Variants in MYOM1 observed in about 807,000 individuals in gnomAD.
MYOM1 encodes the protein myomesin-1.
In MYOM1, 164 loss-of-function variants were observed where a neutral mutation model predicts 205.3. The ratio of observed to expected loss-of-function variants is 0.80; its 90% confidence interval spans 0.70 to 0.91. The LOEUF (loss-of-function observed/expected upper bound fraction) is 0.91, where lower values mean the gene tolerates loss of function less well. Among genes scored for constraint, MYOM1 ranks in the 40% least tolerant of loss-of-function variants. The probability of loss-of-function intolerance (pLI) is 0.00; values close to 1 mark genes in which losing one functional copy is unlikely to be tolerated. For synonymous variants in MYOM1, 772 were observed against 789.4 expected (o/e 0.98, Z 0.37); for missense variants, 2,011 against 2,127.3 (o/e 0.95, Z 1.08).
intron 5 of MYOM1, 73 bp from the exon 6 acceptor site, chr18:3,176,207 C>T: frequency 1.2e-6 from 1 of 857,382 alleles, no homozygotes; most frequent in Non-Finnish European, 1.9e-6. Context: ...ACACACAATT[C>T]TTGTTCTTGC....
At position 3,098,337 on chromosome 18, in the gene MYOM1, G is replaced by C. The variant is rs527655144; in HGVS notation, c.3727+1822C>G. ...CTGTCACCCAGGCTGGAGTGCAGTGGCACGATCTCGGCTCACTGCAACCTT... is the reference window on the plus strand; with the variant it reads ...CTGTCACCCAGGCTGGAGTGCAGTGCCACGATCTCGGCTCACTGCAACCTT... On this transcript the variant is annotated intron_variant, in intron 25 of 37. Coordinates refer to ENST00000356443, the MANE Select transcript of MYOM1 (RefSeq NM_003803.4). 2.8e-4 allele frequency among the ~76,000 whole-genome samples: 43 copies of C among 152,122 alleles called. 1 individual carries two copies. In the Middle Eastern group the frequency reaches 0.014, roughly 48 times the overall value.
At chr18:3,125,937 G>T (rs999471071) in intron 19 of MYOM1, among the ~76,000 whole-genome samples, 3 of 152,090 alleles carry the variant, frequency 2.0e-5, no homozygotes, top group Admixed American at 2.0e-4. Context: ...TAGCCATCAA[G>T]CCCATGTCCC....
intron 10 of MYOM1, among the ~76,000 whole-genome samples, chr18:3,157,459 C>T (rs1288600705): frequency 6.6e-6 from 1 of 151,832 alleles, no homozygotes; most frequent in Non-Finnish European, 1.5e-5. Flanking sequence ...GGGTAGATCA[C>T]TTGAGCCTAG....
intron 33 of MYOM1, among the ~76,000 whole-genome samples, chr18:3,080,249 T>C (rs2079069077): frequency 6.6e-6 from 1 of 152,176 alleles, no homozygotes; most frequent in Admixed American, 6.5e-5. Context: ...GTTCATATTA[T>C]GGCTGGTAAA....
the MYOM1 span, among the ~76,000 whole-genome samples, chr18:3,245,556 A>C: frequency 3.3e-5 from 5 of 151,924 alleles, no homozygotes; most frequent in Non-Finnish European, 5.9e-5. Flanking sequence ...CATTTGAAGA[A>C]CATTTTATCG....
Position 3,135,974 on chromosome 18 carries a change from C to T in MYOM1, c.2026-244G>A, listed in dbSNP as rs1391678530. Among the ~76,000 whole-genome samples the T allele has an allele frequency of 3.9e-5, 6 of 152,140 alleles. No individual in the cohort carries two copies. Among genetic ancestry groups the T allele is most frequent in the Admixed American group, 3.9e-4 (6 of 15,268 alleles). On this transcript the variant is annotated intron_variant, in intron 14 of 37. Coordinates refer to ENST00000356443, the MANE Select transcript of MYOM1 (RefSeq NM_003803.4). The surrounding 1 kb of genome is among the most constrained non-coding windows in gnomAD (Gnocchi z 4.1). Reference sequence around the variant, plus strand: ...CCAAATCTCATCTACAATTGTAGCTCCCATAATTCCCATGTGTGTGGGAGG... The same window carrying T: ...CCAAATCTCATCTACAATTGTAGCTTCCATAATTCCCATGTGTGTGGGAGG...
At chr18:3,232,008 C>CT in the MYOM1 span, among the ~76,000 whole-genome samples, 1 of 151,720 alleles carries the variant, frequency 6.6e-6, no homozygotes, top group East Asian at 1.9e-4. Context: ...TATTTCCTTG[C>CT]TTTTTTTAAT....
rs746146821 is a variant in MYOM1, at chr18:3,164,402, A to G, written c.1377T>C (p.Leu459=). The change falls in exon 10 of 38, where the codon CTT becomes CTC. Residue 459 remains leucine (L), a synonymous_variant. Coordinates refer to ENST00000356443, the MANE Select transcript of MYOM1 (RefSeq NM_003803.4). ...PLSPSKWVQT[L]WSGERATLTF... is the part of the protein sequence containing the mutation. ...TCAGCGTTGCCCGCTCTCCACTCCA[A>G]AGTGTTTGCACCCATTTTGATGGAG... 1 of 1,609,920 alleles carries G rather than the reference A, an allele frequency of 6.2e-7. No homozygotes were observed.
intron 8 of MYOM1, among the ~76,000 whole-genome samples, chr18:3,172,450 C>G (rs769055219): frequency 2.0e-5 from 3 of 151,710 alleles, no homozygotes; most frequent in African/African-American, 7.3e-5. Flanking sequence ...AGGATTGTGA[C>G]GTGATCAATA....
chr18:3,183,023 G>A (rs948406229), intron 5 of MYOM1, among the ~76,000 whole-genome samples: 4 of 142,038 alleles, frequency 2.8e-5, no homozygotes, highest in Admixed American at 7.7e-5. Flanking sequence ...TCCGCCTTCC[G>A]CGTTCCATCG....
intron 2 of MYOM1, among the ~76,000 whole-genome samples, chr18:3,208,004 C>T (rs1238850765): frequency 6.6e-6 from 1 of 152,166 alleles, no homozygotes; most frequent in Non-Finnish European, 1.5e-5. Context: ...AAAGGAGGGG[C>T]TTAAATTATA....
intron 36 of MYOM1, 140 bp from the exon 37 acceptor site, chr18:3,072,029 A>G: frequency 1.3e-6 from 1 of 757,432 alleles, no homozygotes; most frequent in Non-Finnish European, 2.2e-6. Flanking sequence ...ACATGCAAAA[A>G]AAGAAAATGA....
At chr18:3,159,864 TTTTC>T (rs1310115318) in intron 10 of MYOM1, among the ~76,000 whole-genome samples, 1 of 150,096 alleles carries the variant, frequency 6.7e-6, no homozygotes, top group African/African-American at 2.5e-5. Flanking sequence ...GTGATGTAAA[TTTTC>T]TTTCTTTTCC....
intron 5 of MYOM1, among the ~76,000 whole-genome samples, chr18:3,183,573 G>T (rs1011773278): frequency 6.6e-5 from 10 of 152,156 alleles, no homozygotes; most frequent in Non-Finnish European, 1.2e-4. Context: ...ACGTGCCTTT[G>T]AAAGATGTGG....
At chr18:3,108,354 T>C (rs1163341209) in intron 22 of MYOM1, among the ~76,000 whole-genome samples, 14 of 152,168 alleles carry the variant, frequency 9.2e-5, no homozygotes, top group Admixed American at 9.2e-4. Flanking sequence ...ATACTCAGAA[T>C]TTGAAGCTGG....
chr18:3,174,728 A>G (rs763937049), intron 6 of MYOM1, among the ~76,000 whole-genome samples: 15 of 152,148 alleles, frequency 9.9e-5, no homozygotes, highest in Non-Finnish European at 2.1e-4. Context: ...CTCCGTGTAG[A>G]TTCCCACAAC....
chr18:3,191,519 T>C lies in MYOM1; in HGVS notation c.431+2299A>G, dbSNP rs868144435. On this transcript the variant is annotated intron_variant, in intron 3 of 37. Transcript: ENST00000356443. ...ACCTTGCGTGAGTCCCAGCAAATAA[T>C]AATAGACACTCAACAAATGTTCATT... 2.0e-5 allele frequency among the ~76,000 whole-genome samples: 3 copies of C among 152,158 alleles called. No individual in the cohort carries two copies. The South Asian group carries it at 6.2e-4, about 32-fold the overall frequency.
chr18:3,195,281 G>C (rs908569519), intron 2 of MYOM1, among the ~76,000 whole-genome samples: 14 of 152,172 alleles, frequency 9.2e-5, no homozygotes, highest in Admixed American at 7.9e-4. Context: ...ACCTCCCCCA[G>C]TGGGGAATAT....
At chr18:3,083,422 TTTTTC>T (rs1299132775) in intron 33 of MYOM1, among the ~76,000 whole-genome samples, 23 of 81,780 alleles carry the variant, frequency 2.8e-4, no homozygotes, top group African/African-American at 7.3e-4. Flanking sequence ...TTTCTTTTTC[TTTTTC>T]TTTTTTTTTT....
Sources: gnomAD v4.1 joint callset for allele counts (sites outside exome capture counted in the v4.1 genomes callset) on GRCh38, gnomAD v4.1.1 for gene constraint, Gnocchi (gnomAD v3.1) non-coding constraint, MANE v1.5 for transcripts, NCBI Gene and HGNC (gene_info 2026-07-23, HGNC 2026-07-21) for gene names.